The following MAB21L4 variants were observed in gnomAD, a reference collection of about 807,000 sequenced individuals.
MAB21L4 encodes protein mab-21-like 4.
MAB21L4 carries 25 observed loss-of-function variants against 32.4 expected under a neutral mutation model. The ratio of observed to expected loss-of-function variants is 0.77; its 90% CI spans 0.56 to 1.08. The LOEUF (loss-of-function observed/expected upper bound fraction) is 1.08, where lower values mean the gene tolerates loss of function less well. Ranked by LOEUF, MAB21L4 falls within the 50% of genes least tolerant of loss-of-function variation. The probability of loss-of-function intolerance (pLI) is 0.00; values close to 1 mark genes in which losing one functional copy is unlikely to be tolerated. For synonymous variants in MAB21L4, 280 were observed against 276.8 expected, an observed-to-expected ratio of 1.01 and a Z score of -0.11; for missense variants, 638 against 611.0, an observed-to-expected ratio of 1.04 and a Z score of -0.47.
chr2:240,892,413 T>G (rs2059158363), intron 1 of MAB21L4, among the ~76,000 whole-genome samples: 1 of 136,128 alleles, frequency 7.3e-6, no homozygotes, highest in Non-Finnish European at 1.6e-5. Context: ...TCAAATCAAC[T>G]GCATGCATGG....
chr2:240,887,555 G>A (rs67827322), intron 4 of MAB21L4, among the ~76,000 whole-genome samples: 23,125 of 152,318 alleles, frequency 0.15, 2,094 homozygotes, highest in Non-Finnish European at 0.2. Context: ...ATGAGGGGAG[G>A]CCCCAGGAGG....
chr2:240,892,772 A>T (rs1309610672), intron 1 of MAB21L4, among the ~76,000 whole-genome samples: 1 of 152,144 alleles, frequency 6.6e-6, no homozygotes, highest in Non-Finnish European at 1.5e-5. Context: ...TCTGACCAAG[A>T]GGTTTCCCAC....
At chr2:240,887,452 G>A (rs112163823) in intron 4 of MAB21L4, among the ~76,000 whole-genome samples, 3 of 152,224 alleles carry the variant, frequency 2.0e-5, no homozygotes, top group African/African-American at 7.2e-5. Context: ...CACCCTCACC[G>A]CACCCTGCCC....
chr2:240,890,147 T>C lies in MAB21L4; in HGVS notation c.752A>G (p.Asp251Gly). ...ASAQLWRTSTDYLLTRLLGEL... is the reference protein window; with the variant it reads ...ASAQLWRTSTGYLLTRLLGEL... The stretch of plus-strand genomic sequence containing the variant: ...CCCCAGCAGCCTCGTGAGCAGGTAG[T>C]CAGTGGAGGTCCTGGGGCCCAGACA... Residue 251 changes from aspartate (D) to glycine (G), a missense_variant, in exon 3 of 5, where the codon GAC becomes GGC. Coordinates refer to ENST00000388934, the MANE Select transcript of MAB21L4 (RefSeq NM_001085437.3). 1 of 1,605,804 alleles carries C rather than the reference T, an allele frequency of 6.2e-7. No homozygotes were observed. Among genetic ancestry groups the C allele is most frequent in the Non-Finnish European group, 8.5e-7 (1 of 1,174,644 alleles).
At chr2:240,890,247 G>A (rs2059132559) in intron 2 of MAB21L4, 89 bp from the exon 3 acceptor site, 12 of 1,476,934 alleles carry the variant, frequency 8.1e-6, no homozygotes, top group Non-Finnish European at 1.1e-5. Context: ...TTCGGGCCCT[G>A]GCCAGGGTCG....
chr2:240,888,263 T>C, intron 4 of MAB21L4, 29 bp downstream of exon 4: 3 of 1,501,480 alleles, frequency 2.0e-6, no homozygotes, highest in Non-Finnish European at 2.7e-6. Context: ...CCCCCGGGCC[T>C]GCCCAAGGCC....
chr2:240,886,509 T>C lies in MAB21L4; in HGVS notation c.*561A>G, dbSNP rs33998315. 0.15 allele frequency: 23,146 copies of C among 152,368 alleles called. 2,103 individuals carry two copies. The highest frequency in any genetic ancestry group is 0.2 in the Non-Finnish European group (13,828 of 68,234). The allele number at this position is 152,368 out of a possible 1,614,324, so 9.4% of individuals were successfully genotyped here. ...TGTGTGCACCCTCAGTTGGCTTTAGTTTGCTCTAAGAACGAGGTAGGAGGT... is the reference window on the plus strand; with the variant it reads ...TGTGTGCACCCTCAGTTGGCTTTAGCTTGCTCTAAGAACGAGGTAGGAGGT... On this transcript the variant is annotated 3_prime_UTR_variant, in exon 5 of 5. Coordinates refer to ENST00000388934, the MANE Select transcript of MAB21L4 (RefSeq NM_001085437.3).
chr2:240,888,628 A>C lies in MAB21L4; in HGVS notation c.915T>G (p.Ser305=), dbSNP rs748700361. The change falls in exon 4 of 5, where the codon TCT becomes TCG. Residue 305 remains serine (S), a synonymous_variant. Transcript: ENST00000388934. ...AGTCCTCGGGCGCCAGGAAGAGCAC[A>C]GAGGCCCACAGCAGCACCATCTGCA... ...GHLKMVLLWA[S]VLFLAPEDWA... 1.3e-5 allele frequency: 20 copies of C among 1,585,618 alleles called. No individual in the cohort carries two copies. The highest frequency in any genetic ancestry group is 1.7e-5 in the Non-Finnish European group (20 of 1,165,956).
At chr2:240,895,372 TG>T in intron 1 of MAB21L4, 111 bp downstream of exon 1, 1 of 1,064,554 alleles carries the variant, frequency 9.4e-7, no homozygotes, top group Non-Finnish European at 1.3e-6. Flanking sequence ...CCACCCTGTG[TG>T]CACGTACATG....
rs1390405216 is a variant in MAB21L4 at position 240,891,914 on chromosome 2, C to G, written c.515-151G>C. On this transcript the variant is annotated intron_variant, in intron 1 of 4. Coordinates refer to ENST00000388934, the MANE Select transcript of MAB21L4 (RefSeq NM_001085437.3). Reference sequence around the variant, plus strand: ...TGGCCCCCACCTGCAGGCTGCAGCTCCCCAACCCCAGACACCTGTGTCCAT... The same window carrying G: ...TGGCCCCCACCTGCAGGCTGCAGCTGCCCAACCCCAGACACCTGTGTCCAT... 3 of 1,573,076 alleles carry G rather than the reference C, an allele frequency of 1.9e-6. No homozygotes were observed. In the African/African-American group the frequency reaches 4.1e-5, roughly 21 times the overall value.
At chr2:240,892,424 G>A (rs1450409267) in intron 1 of MAB21L4, among the ~76,000 whole-genome samples, 1 of 152,042 alleles carries the variant, frequency 6.6e-6, no homozygotes, top group Middle Eastern at 3.2e-3. Flanking sequence ...GCATGCATGG[G>A]AAGCCCATGT....
rs528309844 is a variant in MAB21L4 at position 240,895,391 on chromosome 2, C to T, written c.514+93G>A. 1.0e-4 allele frequency: 128 copies of T among 1,251,836 alleles called. 1 individual carries two copies. The African/African-American group carries it at 1.7e-3, about 16-fold the overall frequency. 77.5% of individuals were successfully genotyped at this position (1,251,836 alleles called of 1,614,324 possible). A position where few individuals can be genotyped will look rare whatever the true frequency, so the allele number is the denominator to read the frequency against. Reference sequence around the variant, plus strand: ...CCTGTGTGCACGTACATGGCAATCACACACATGTGCACTCACACACTTGCA... The same window carrying T: ...CCTGTGTGCACGTACATGGCAATCATACACATGTGCACTCACACACTTGCA... On this transcript the variant is annotated intron_variant, in intron 1 of 4. Coordinates refer to ENST00000388934, the MANE Select transcript of MAB21L4 (RefSeq NM_001085437.3).
Position 240,888,436 on chromosome 2 carries a change from G to C in MAB21L4, c.1107C>G (p.Pro369=). 5 of 1,565,252 alleles carry C rather than the reference G, an allele frequency of 3.2e-6. No individual in the cohort carries two copies. Among genetic ancestry groups the C allele is most frequent in the Non-Finnish European group, 4.3e-6 (5 of 1,158,378 alleles). The part of the protein sequence containing the change: ...YQRVEGFASQ[P]EAALRIHATH... ...TGGCGTGGATGCGCAGGGCCGCCTC[G>C]GGCTGGCTGGCGAAGCCCTCCACGC... is the stretch of plus-strand genomic sequence containing the variant. The change falls in exon 4 of 5, where the codon CCC becomes CCG. Residue 369 remains proline, a synonymous_variant. Transcript: ENST00000388934.
At chr2:240,890,820 G>GGCA (rs2059139660) in intron 2 of MAB21L4, among the ~76,000 whole-genome samples, 3 of 152,166 alleles carry the variant, frequency 2.0e-5, no homozygotes, top group Non-Finnish European at 4.4e-5. Context: ...CTTGGCAGGC[G>GGCA]GGCAGGTAGT....
Position 240,888,461 on chromosome 2 carries a change from C to A in MAB21L4, c.1082G>T (p.Arg361Leu), listed in dbSNP as rs373590655. The change falls in exon 4 of 5, where the codon CGC (arginine) becomes CTC (leucine). Residue 361 changes from arginine (R) to leucine (L), a missense_variant. By Grantham distance (102) the Arg-to-Leu change is moderately radical. Transcript: ENST00000388934. ...SGLDLGAIYQ[R>L]VEGFASQPEA... is the part of the protein sequence containing the mutation. ...GGGCTGGCTGGCGAAGCCCTCCACG[C>A]GCTGGTAGATGGCACCAAGGTCCAG... 6.3e-7 allele frequency: 1 copy of A among 1,586,006 alleles called. No homozygotes were observed. Among genetic ancestry groups the A allele is most frequent in the Non-Finnish European group, 8.6e-7 (1 of 1,169,030 alleles).
At chr2:240,891,153 G>A (rs1483127046) in intron 2 of MAB21L4, among the ~76,000 whole-genome samples, 1 of 152,164 alleles carries the variant, frequency 6.6e-6, no homozygotes, top group African/African-American at 2.4e-5. Flanking sequence ...CATCAATGTG[G>A]ACGCACCCCC....
upstream of MAB21L4, chr2:240,896,223 G>C (rs1389649543): frequency 2.5e-6 from 3 of 1,203,858 alleles, no homozygotes; most frequent in African/African-American, 4.7e-5. Flanking sequence ...CCCAGCAATT[G>C]GGAATGTCAC....
intron 1 of MAB21L4, among the ~76,000 whole-genome samples, chr2:240,893,336 CCCTG>C (rs1292261305): frequency 4.6e-5 from 7 of 152,230 alleles, no homozygotes; most frequent in Non-Finnish European, 7.3e-5. Flanking sequence ...CTCAGGGCAA[CCCTG>C]GCCCTGCTGC....
rs75895045 is a variant in MAB21L4, at chr2:240,888,388, C to T, written c.1155G>A (p.Pro385=). ...IHATHLGRSP[P]PRIGSGLKAL... is the part of the protein sequence containing the mutation. ...CCTTGAGCCCGGAGCCGATGCGCGG[C>T]GGGGGGCTGCGGCCCAGGTGGGTGG... The change falls in exon 4 of 5, where the codon CCG becomes CCA. Residue 385 remains proline (P), a synonymous_variant. Transcript: ENST00000388934. 4.9e-5 allele frequency: 76 copies of T among 1,556,088 alleles called. No individual in the cohort carries two copies. In the African/African-American group the frequency reaches 6.4e-4, roughly 13 times the overall value.
Sources: allele counts gnomAD v4.1 joint callset (sites outside exome capture counted in the v4.1 genomes callset), GRCh38; gene constraint gnomAD v4.1.1; transcripts MANE v1.5; gene names NCBI Gene and HGNC (gene_info 2026-07-23, HGNC 2026-07-21).